The following RASA1 variants were observed in gnomAD, a reference collection of about 807,000 sequenced individuals.
RASA1 encodes the protein RAS p21 protein activator 1, also known as ras GTPase-activating protein 1.
A neutral mutation model predicts 132.2 loss-of-function variants in RASA1; 25 were observed. The observed-to-expected ratio is 0.19, with a 90% CI of 0.14 to 0.26. The LOEUF is 0.26. Among genes scored for constraint, RASA1 ranks in the 10% least tolerant of loss-of-function variants. The pLI is 1.00. For synonymous variants in RASA1, 477 were observed against 449.9 expected, an observed-to-expected ratio of 1.06 and a Z score of -0.76; for missense variants, 964 against 1,299.2, an observed-to-expected ratio of 0.74 and a Z score of 3.97.
At chr5:87,372,964 TC>T (rs1761056974) in intron 13 of RASA1, among the ~76,000 whole-genome samples, 1 of 152,140 alleles carries the variant, frequency 6.6e-6, no homozygotes, top group African/African-American at 2.4e-5. Context: ...GTCTGGCTCT[TC>T]CCCAGGGAAA....
intron 22 of RASA1, among the ~76,000 whole-genome samples, chr5:87,386,128 TGGATAGGCATAATATTTTG>T (rs981345218): frequency 1.1e-4 from 16 of 152,198 alleles, no homozygotes; most frequent in African/African-American, 3.4e-4. Flanking sequence ...TTTTGCCAAT[TGGATAGGCATAATATTTTG>T]TGTTTCATTA....
At chr5:87,387,485 G>A (rs1439802710) in intron 23 of RASA1, among the ~76,000 whole-genome samples, 1 of 152,100 alleles carries the variant, frequency 6.6e-6, no homozygotes, top group Non-Finnish European at 1.5e-5. Flanking sequence ...AAATTTTCAT[G>A]ATTGAACAGA....
Position 87,320,262 on chromosome 5 carries a change from A to G in RASA1, c.540-11086A>G, listed in dbSNP as rs561726530. Among the ~76,000 whole-genome samples, 14 of 152,238 alleles carry G rather than the reference A, an allele frequency of 9.2e-5. No homozygotes were observed. The Middle Eastern group carries it at 0.014, about 148-fold the overall frequency. On this transcript the variant is annotated intron_variant, in intron 1 of 24. Transcript: ENST00000274376. ...CTTCTGTCTTCTTCTGATCTCTCCA[A>G]ACTGTTCCAGCCTCTGCCTATTACC...
chr5:87,285,051 T>C, intron 1 of RASA1, among the ~76,000 whole-genome samples: 1 of 148,664 alleles, frequency 6.7e-6, no homozygotes, highest in African/African-American at 2.5e-5. Context: ...TATTTATTTA[T>C]TTATTTATTT....
intron 6 of RASA1, 78 bp downstream of exon 6, chr5:87,341,399 A>T (rs1758442790): frequency 2.8e-6 from 3 of 1,079,976 alleles, no homozygotes; most frequent in Non-Finnish European, 2.4e-6. Context: ...TTGGCCAAAA[A>T]AATTGTTTTT....
chr5:87,340,629 A>G (rs1395214450), intron 5 of RASA1, among the ~76,000 whole-genome samples: 1 of 152,134 alleles, frequency 6.6e-6, no homozygotes, highest in Non-Finnish European at 1.5e-5. Context: ...AAAACATAGT[A>G]AAAGGGGGAT....
intron 1 of RASA1, among the ~76,000 whole-genome samples, chr5:87,323,038 AGTT>A (rs1756942680): frequency 6.6e-6 from 1 of 152,162 alleles, no homozygotes; most frequent in Non-Finnish European, 1.5e-5. Flanking sequence ...TTAGGAAGGA[AGTT>A]AGATTTAGAG....
chr5:87,278,343 G>C (rs1754157180), intron 1 of RASA1, among the ~76,000 whole-genome samples: 1 of 150,968 alleles, frequency 6.6e-6, no homozygotes, highest in Non-Finnish European at 1.5e-5. Context: ...TCAGGAGATC[G>C]AGACCATCCT....
intron 1 of RASA1, among the ~76,000 whole-genome samples, chr5:87,296,319 C>T (rs1054123550): frequency 2.0e-5 from 3 of 152,188 alleles, no homozygotes; most frequent in African/African-American, 7.2e-5. Context: ...TAGGCATACG[C>T]AAGCAGATAC....
chr5:87,278,975 G>C (rs1027972662), intron 1 of RASA1, among the ~76,000 whole-genome samples: 5 of 127,058 alleles, frequency 3.9e-5, no homozygotes, highest in Admixed American at 1.0e-4. Context: ...TGGGTGCAAT[G>C]GCTCATTCCT....
At chr5:87,365,562 T>C (rs1053718761) in intron 11 of RASA1, among the ~76,000 whole-genome samples, 1 of 152,132 alleles carries the variant, frequency 6.6e-6, no homozygotes, top group African/African-American at 2.4e-5. Flanking sequence ...AAGGAGGTTC[T>C]TGAAAAGAAC....
intron 8 of RASA1, among the ~76,000 whole-genome samples, chr5:87,352,578 T>C (rs932453673): frequency 6.6e-6 from 1 of 151,874 alleles, no homozygotes; most frequent in African/African-American, 2.4e-5. Flanking sequence ...TCCCAATATT[T>C]CCCAATTTGT....
At chr5:87,388,364 T>A (rs1762214057) in intron 23 of RASA1, among the ~76,000 whole-genome samples, 1 of 152,184 alleles carries the variant, frequency 6.6e-6, no homozygotes, top group South Asian at 2.1e-4. Flanking sequence ...AGGCTTAAAA[T>A]AACACTGGCA....
chr5:87,373,012 T>C (rs978950228), intron 13 of RASA1, among the ~76,000 whole-genome samples: 2 of 152,144 alleles, frequency 1.3e-5, no homozygotes, highest in Admixed American at 6.5e-5. Context: ...CTTCATAACA[T>C]TGTAACATTT....
intron 1 of RASA1, among the ~76,000 whole-genome samples, chr5:87,283,564 A>C (rs185906190): frequency 2.0e-5 from 3 of 152,168 alleles, no homozygotes; most frequent in East Asian, 1.9e-4. Context: ...GGTAATAATC[A>C]CTGTTAAGTT....
At chr5:87,346,420 T>A (rs1433164931) in intron 6 of RASA1, among the ~76,000 whole-genome samples, 1 of 151,934 alleles carries the variant, frequency 6.6e-6, no homozygotes, top group Admixed American at 6.6e-5. Flanking sequence ...GATTAAAAAT[T>A]GTTGCCATTT....
intron 1 of RASA1, among the ~76,000 whole-genome samples, chr5:87,316,396 G>A (rs749878526): frequency 1.3e-4 from 20 of 152,188 alleles, no homozygotes; most frequent in Admixed American, 3.3e-4. Flanking sequence ...AGCTTATTCC[G>A]ATTCCCAGGT....
chr5:87,291,406 C>T lies in RASA1; in HGVS notation c.539+22416C>T, dbSNP rs1754905631. 2.0e-5 allele frequency among the ~76,000 whole-genome samples: 3 copies of T among 152,102 alleles called. No individual in the cohort carries two copies. The South Asian group carries it at 6.2e-4, about 32-fold the overall frequency. On this transcript the variant is annotated intron_variant, in intron 1 of 24. Coordinates refer to ENST00000274376, the MANE Select transcript of RASA1 (RefSeq NM_002890.3). ...ATTAGCCAGATGGTGGTCAGCACAC[C>T]TGTGGTTCCAGCTACTCAGGAGACC...
At chr5:87,276,105 T>A (rs1754051459) in intron 1 of RASA1, among the ~76,000 whole-genome samples, 2 of 152,296 alleles carry the variant, frequency 1.3e-5, no homozygotes, top group African/African-American at 4.8e-5. Context: ...TGTGTATTAC[T>A]TATTTTCATG....
Sources: allele counts gnomAD v4.1 joint callset (sites outside exome capture counted in the v4.1 genomes callset), GRCh38; gene constraint gnomAD v4.1.1; transcripts MANE v1.5; gene names NCBI Gene and HGNC (gene_info 2026-07-23, HGNC 2026-07-21).